The following TCF4 variants were observed in gnomAD, a reference collection of about 807,000 sequenced individuals.
TCF4 encodes the protein SL3-3 enhancer factor 2.
TCF4 carries 3 observed loss-of-function variants against 82.1 expected under a neutral mutation model. The observed-to-expected ratio is 0.04, with a 90% CI of 0.02 to 0.09. The LOEUF is 0.09. TCF4 is among the 10% of genes least tolerant of loss of function. The probability of loss-of-function intolerance (pLI) is 1.00; values close to 1 mark genes in which losing one functional copy is unlikely to be tolerated. For synonymous variants in TCF4, 276 were observed against 309.6 expected (o/e 0.89, Z 1.14); for missense variants, 518 against 852.7 (o/e 0.61, Z 4.89).
intron 3 of TCF4, among the ~76,000 whole-genome samples, chr18:55,489,898 T>C (rs2096557884): frequency 6.6e-6 from 1 of 152,134 alleles, no homozygotes; most frequent in South Asian, 2.1e-4. Flanking sequence ...TGAAAAGCAG[T>C]CGTCATTTGA....
chr18:55,297,485 T>A (rs2066887115), intron 8 of TCF4, among the ~76,000 whole-genome samples: 1 of 152,122 alleles, frequency 6.6e-6, no homozygotes, highest in South Asian at 2.1e-4. Context: ...CTTCACACAC[T>A]AAGTGAATGC....
intron 6 of TCF4, among the ~76,000 whole-genome samples, chr18:55,364,296 CAGG>C (rs1022605831): frequency 6.6e-5 from 10 of 152,118 alleles, no homozygotes; most frequent in African/African-American, 1.9e-4. Context: ...AAAAGCCTAG[CAGG>C]AGTTTTATTA....
rs568174362 is a variant in TCF4 at position 55,424,163 on chromosome 18, C to T, written c.305-20645G>A. 5.9e-5 allele frequency among the ~76,000 whole-genome samples: 9 copies of T among 152,194 alleles called. No homozygotes were observed. In the South Asian group the frequency reaches 1.0e-3, roughly 18 times the overall value. ...GTGAGGAAAAAAGATGTGTGTCACT[C>T]GACAAAGTCATGATTAGATGGAAAT... On this transcript the variant is annotated intron_variant, in intron 5 of 19. Coordinates refer to ENST00000354452, the MANE Select transcript of TCF4 (RefSeq NM_001083962.2).
chr18:55,579,533 CTGACT>C (rs1449190443), intron 3 of TCF4, among the ~76,000 whole-genome samples: 2 of 151,778 alleles, frequency 1.3e-5, no homozygotes, highest in Non-Finnish European at 2.9e-5. Context: ...TGTATAAAAT[CTGACT>C]TATTCAACTT....
At chr18:55,382,709 AAG>A (rs1370119335) in intron 6 of TCF4, among the ~76,000 whole-genome samples, 3 of 152,204 alleles carry the variant, frequency 2.0e-5, no homozygotes, top group Non-Finnish European at 2.9e-5. Context: ...ATAAGAAAAA[AAG>A]AGTTAACAGA....
At chr18:55,281,488 G>C (rs2062596887) in intron 8 of TCF4, among the ~76,000 whole-genome samples, 1 of 151,992 alleles carries the variant, frequency 6.6e-6, no homozygotes, top group African/African-American at 2.4e-5. Context: ...TAAGCTAAGT[G>C]TACTATGGAA....
At chr18:55,321,716 G>A in intron 8 of TCF4, 1 of 1,536,094 alleles carries the variant, frequency 6.5e-7, no homozygotes. Flanking sequence ...GCCCATGCCC[G>A]GGATTGTGTA....
intron 6 of TCF4, chr18:55,351,427 G>A (rs2144804995): frequency 5.0e-6 from 1 of 201,408 alleles, no homozygotes; most frequent in South Asian, 8.0e-5. Context: ...CTGGGGGTAA[G>A]TGTAGCCTAT....
chr18:55,437,871 A>G (rs1044215291), intron 5 of TCF4, among the ~76,000 whole-genome samples: 9 of 152,232 alleles, frequency 5.9e-5, no homozygotes, highest in African/African-American at 2.2e-4. Flanking sequence ...TATATAAGGC[A>G]TCAGGAAATG....
chr18:55,502,492 T>A (rs535604069), intron 3 of TCF4, among the ~76,000 whole-genome samples: 2 of 152,310 alleles, frequency 1.3e-5, no homozygotes, highest in Non-Finnish European at 2.9e-5. Context: ...GCTTACATCA[T>A]CCTTGGTAAC....
intron 8 of TCF4, among the ~76,000 whole-genome samples, chr18:55,319,573 T>C (rs926777193): frequency 6.6e-6 from 1 of 152,000 alleles, no homozygotes; most frequent in African/African-American, 2.4e-5. Context: ...TTTGAATCAA[T>C]AGAGATACAC....
Position 55,509,486 on chromosome 18 carries a change from G to A in TCF4, c.146-45349C>T, listed in dbSNP as rs369492386. Among the ~76,000 whole-genome samples the A allele has an allele frequency of 3.0e-3, 450 of 152,238 alleles. 10 individuals are homozygous for A. The South Asian group carries it at 0.086, about 29-fold the overall frequency. ...GATGTCTCTCTTGACAGTACAGCAT[G>A]TAGAGGCAGCCCCCAGAATTATAAA... On this transcript the variant is annotated intron_variant, in intron 3 of 19. Coordinates refer to ENST00000354452, the MANE Select transcript of TCF4 (RefSeq NM_001083962.2).
At chr18:55,256,683 C>T (rs79699265) in intron 14 of TCF4, among the ~76,000 whole-genome samples, 82 of 152,240 alleles carry the variant, frequency 5.4e-4, no homozygotes, top group East Asian at 2.5e-3. Context: ...TATTCCTTCC[C>T]GCTAAATTCA....
At chr18:55,426,493 T>C (rs8095770) in intron 5 of TCF4, among the ~76,000 whole-genome samples, 7,787 of 152,250 alleles carry the variant, frequency 0.051, 226 homozygotes, top group Non-Finnish European at 0.07. Flanking sequence ...ATTCTACATT[T>C]GTATTTCCAT....
chr18:55,364,988 T>C (rs1301207609), intron 6 of TCF4, among the ~76,000 whole-genome samples: 1 of 151,152 alleles, frequency 6.6e-6, no homozygotes, highest in East Asian at 2.0e-4. Flanking sequence ...ACTCTGTCTC[T>C]ACTAAAAATA....
intron 3 of TCF4, among the ~76,000 whole-genome samples, chr18:55,533,660 T>C (rs2097090350): frequency 6.6e-6 from 1 of 152,230 alleles, no homozygotes; most frequent in African/African-American, 2.4e-5. Flanking sequence ...TAACTGTGAA[T>C]TTCCATGTAA....
chr18:55,262,496 T>C (rs888982404), intron 11 of TCF4, among the ~76,000 whole-genome samples: 1 of 152,182 alleles, frequency 6.6e-6, no homozygotes, highest in Non-Finnish European at 1.5e-5. Flanking sequence ...TGAGGGAAGA[T>C]TGTTTTTCAC....
chr18:55,622,172 C>CACAT (rs397942410), intron 2 of TCF4, among the ~76,000 whole-genome samples: 1 of 89,724 alleles, frequency 1.1e-5, no homozygotes, highest in Admixed American at 1.9e-4. Flanking sequence ...CACACACACA[C>CACAT]GCACTCACAC....
chr18:55,363,509 C>T (rs2086026651), intron 6 of TCF4, among the ~76,000 whole-genome samples: 2 of 152,034 alleles, frequency 1.3e-5, no homozygotes, highest in Admixed American at 1.3e-4. Flanking sequence ...ACTCGTTTTT[C>T]AAAACATTAC....
Sources: allele counts gnomAD v4.1 joint callset (sites outside exome capture counted in the v4.1 genomes callset), GRCh38; gene constraint gnomAD v4.1.1; transcripts MANE v1.5; gene names NCBI Gene and HGNC (gene_info 2026-07-23, HGNC 2026-07-21).